The following SATB2 variants were observed in gnomAD, a reference collection of about 807,000 sequenced individuals.
SATB2 encodes the protein SATB homeobox 2, also known as DNA-binding protein SATB2.
Under a neutral mutation model 73.4 loss-of-function variants are expected in SATB2, and 1 was observed. The observed-to-expected ratio is 0.01, with a 90% CI of 0.00 to 0.06. SATB2 has a LOEUF of 0.06. Ranked by LOEUF, SATB2 falls within the 10% of genes least tolerant of loss-of-function variation. SATB2 has a pLI of 1.00. For synonymous variants in SATB2, 397 were observed against 367.0 expected (o/e 1.08, Z -0.93); for missense variants, 459 against 945.8 (o/e 0.49, Z 6.75).
In SATB2 at chr2:199,401,475, C is replaced by G. The variant is rs998150065; in HGVS notation, c.347-19655G>C. Among the ~76,000 whole-genome samples, 12 of 151,528 alleles carry G rather than the reference C, an allele frequency of 7.9e-5. 1 individual carries two copies. On this transcript the variant is annotated intron_variant, in intron 3 of 10. Coordinates refer to ENST00000417098, the MANE Select transcript of SATB2 (RefSeq NM_001172509.2). Reference sequence around the variant, plus strand: ...GCCTGAGGCAGGAGAATTGCTTGAACCCGGGAGGCGGAGGTTGCAGTGAGC... The same window carrying G: ...GCCTGAGGCAGGAGAATTGCTTGAAGCCGGGAGGCGGAGGTTGCAGTGAGC...
At chr2:199,396,045 C>G (rs1055032509) in intron 3 of SATB2, 1 of 152,166 alleles carries the variant, frequency 6.6e-6, no homozygotes. Context: ...AAACACTGCT[C>G]GTGCTAAAGC....
chr2:199,370,163 T>C (rs752366793), intron 5 of SATB2, among the ~76,000 whole-genome samples: 1 of 152,116 alleles, frequency 6.6e-6, no homozygotes, highest in Non-Finnish European at 1.5e-5. Flanking sequence ...GTTCCCTAAC[T>C]AGCTGAGCTA....
intron 3 of SATB2, among the ~76,000 whole-genome samples, chr2:199,405,393 T>C (rs548066455): frequency 2.6e-5 from 4 of 152,066 alleles, no homozygotes; most frequent in Non-Finnish European, 4.4e-5. Context: ...AAAATGAAGA[T>C]TCTGGGATCT....
intron 5 of SATB2, 85 bp from the exon 6 acceptor site, chr2:199,368,792 A>T (rs1440636875): frequency 1.2e-5 from 9 of 736,996 alleles, no homozygotes; most frequent in Non-Finnish European, 1.9e-5. Context: ...ACCTGCACTA[A>T]CCTCTTTTTT....
At position 199,349,020 on chromosome 2, in the gene SATB2, T is replaced by G; in HGVS notation, c.854A>C (p.Gln285Pro). 6.2e-7 allele frequency: 1 copy of G among 1,614,072 alleles called. No individual in the cohort carries two copies. Among genetic ancestry groups the G allele is most frequent in the Non-Finnish European group, 8.5e-7 (1 of 1,179,984 alleles). The part of the protein sequence containing the change: ...QIHHSTPIRN[Q>P]VPALQPIMSP... ...CATGATGGGCTGTAATGCGGGCACT[T>G]GGTTTCGGATTGGAGTACTGTGGTG... The change falls in exon 7 of 11, where the codon CAA becomes CCA. Residue 285 changes from glutamine to proline, a missense_variant. By Grantham distance (76) the Gln-to-Pro change is moderately conservative. Coordinates refer to ENST00000417098, the MANE Select transcript of SATB2 (RefSeq NM_001172509.2).
At chr2:199,462,365 T>C (rs1284188769), upstream of SATB2, among the ~76,000 whole-genome samples, 1 of 152,054 alleles carries the variant, frequency 6.6e-6, no homozygotes, top group Non-Finnish European at 1.5e-5. This position sits in a 1 kb window ranked among gnomAD's most constrained non-coding sequence, Gnocchi z 5.9. Flanking sequence ...CGACCAACAC[T>C]TTCTCGGACG....
intron 10 of SATB2, among the ~76,000 whole-genome samples, chr2:199,278,611 T>C (rs1692389607): frequency 6.6e-6 from 1 of 152,178 alleles, no homozygotes; most frequent in South Asian, 2.1e-4. Context: ...AAATCTGAGA[T>C]AGCCAAAAAT....
chr2:199,439,238 C>G (rs964492755), intron 2 of SATB2, among the ~76,000 whole-genome samples: 8 of 152,234 alleles, frequency 5.3e-5, no homozygotes, highest in African/African-American at 1.9e-4. Flanking sequence ...CCAGCCTCCT[C>G]CCTAGCTCCT....
At chr2:199,368,575 C>G (rs1329105389) in intron 6 of SATB2, 30 bp downstream of exon 6, 1 of 1,275,088 alleles carries the variant, frequency 7.8e-7, no homozygotes, top group Non-Finnish European at 1.1e-6. Flanking sequence ...AAACTGAAAA[C>G]AGGCTTTACA....
At chr2:199,407,819 G>T (rs538723386) in intron 3 of SATB2, among the ~76,000 whole-genome samples, 1 of 152,158 alleles carries the variant, frequency 6.6e-6, no homozygotes, top group East Asian at 1.9e-4. Flanking sequence ...CACATCCCAG[G>T]GTATGGGAGG....
At position 199,308,750 on chromosome 2, in the gene SATB2, G is replaced by A. The variant is rs1038182113; in HGVS notation, c.1740+10C>T. 1 of 1,613,282 alleles carries A rather than the reference G, an allele frequency of 6.2e-7. No homozygotes were observed. The highest frequency in any genetic ancestry group is 8.5e-7 in the Non-Finnish European group (1 of 1,179,332). On this transcript the variant is annotated intron_variant, in intron 10 of 10. Coordinates refer to ENST00000417098, the MANE Select transcript of SATB2 (RefSeq NM_001172509.2). The surrounding 1 kb of genome is among the most constrained non-coding windows in gnomAD (Gnocchi z 4.6). The stretch of plus-strand genomic sequence containing the variant: ...TGATCAGGTGGGGTACGGCGGTCGG[G>A]GACACTGACCTGCACCGGCTCAGGG...
At chr2:199,347,701 C>G (rs753710364) in intron 7 of SATB2, 1 of 152,220 alleles carries the variant, frequency 6.6e-6, no homozygotes, top group Non-Finnish European at 1.5e-5. Context: ...CCATGAACCT[C>G]CACCACAACT....
At chr2:199,460,620 G>T (rs1692454640), upstream of SATB2, 1 of 152,264 alleles carries the variant, frequency 6.6e-6, no homozygotes, top group South Asian at 2.1e-4. This position sits in a 1 kb window ranked among gnomAD's most constrained non-coding sequence, Gnocchi z 4.0. Flanking sequence ...TGGTTGGAGC[G>T]ATTCAATCCT....
intron 6 of SATB2, among the ~76,000 whole-genome samples, chr2:199,359,044 G>A (rs2105838084): frequency 6.6e-6 from 1 of 152,150 alleles, no homozygotes; most frequent in Non-Finnish European, 1.5e-5. Context: ...TTTCTAAGGT[G>A]AATTCAGCAC....
chr2:199,468,229 T>C (rs1036563432), upstream of SATB2: 1 of 152,142 alleles, frequency 6.6e-6, no homozygotes, highest in African/African-American at 2.4e-5. Flanking sequence ...GCACCCAGGC[T>C]CTGATGGCAC....
chr2:199,398,290 AAAC>A (rs985023365), intron 3 of SATB2, among the ~76,000 whole-genome samples: 1 of 152,244 alleles, frequency 6.6e-6, no homozygotes, highest in African/African-American at 2.4e-5. Flanking sequence ...ACCTTGGAGA[AAAC>A]AACAGAATCT....
chr2:199,380,315 C>T, intron 5 of SATB2, 49 bp downstream of exon 5: 1 of 1,612,648 alleles, frequency 6.2e-7, no homozygotes, highest in Non-Finnish European at 8.5e-7. Context: ...GATAGAGAGT[C>T]TACCAATGGC....
intron 7 of SATB2, chr2:199,347,456 T>A (rs866805564): frequency 6.6e-6 from 1 of 152,220 alleles, no homozygotes; most frequent in Non-Finnish European, 1.5e-5. Context: ...AATCTTCTTC[T>A]TCATCATCTT....
At chr2:199,354,840 C>T (rs1053687641) in intron 6 of SATB2, among the ~76,000 whole-genome samples, 5 of 152,094 alleles carry the variant, frequency 3.3e-5, no homozygotes, top group African/African-American at 1.2e-4. Flanking sequence ...GCCTTTGTAG[C>T]CCTATATTAG....
Sources: gnomAD v4.1 joint callset for allele counts (sites outside exome capture counted in the v4.1 genomes callset) on GRCh38, gnomAD v4.1.1 for gene constraint, Gnocchi (gnomAD v3.1) non-coding constraint, MANE v1.5 for transcripts, NCBI Gene and HGNC (gene_info 2026-07-23, HGNC 2026-07-21) for gene names.